The following CEP131 variants were observed in gnomAD, a reference collection of about 807,000 sequenced individuals.
The protein encoded by CEP131 is centrosomal protein of 131 kDa.
A neutral mutation model predicts 136.8 loss-of-function variants in CEP131; 99 were observed. The observed-to-expected ratio is 0.72, with a 90% CI of 0.62 to 0.86. The LOEUF is 0.86. Ranked by LOEUF, CEP131 falls within the 40% of genes least tolerant of loss-of-function variation. The probability of loss-of-function intolerance (pLI) is 0.00; values close to 1 mark genes in which losing one functional copy is unlikely to be tolerated. For missense variants in CEP131, 1,459 were observed against 1,463.0 expected (o/e 1.00, Z 0.04); for synonymous variants, 646 against 612.7 (o/e 1.05, Z -0.80).
At position 81,213,655 on chromosome 17, in the gene CEP131, G is replaced by A. The variant is rs373891385; in HGVS notation, c.178-4633C>T. Among the ~76,000 whole-genome samples the A allele has an allele frequency of 4.8e-4, 73 of 152,172 alleles. No individual in the cohort carries two copies. The Middle Eastern group carries it at 0.014, about 29-fold the overall frequency. ...TATAGATGCTCTTCTCTAAAGGAGGGGGAGCAAAACTCCCCACCCCTTCCA... is the reference window on the plus strand; with the variant it reads ...TATAGATGCTCTTCTCTAAAGGAGGAGGAGCAAAACTCCCCACCCCTTCCA... On this transcript the variant is annotated intron_variant, in intron 2 of 25. Coordinates refer to ENST00000450824, the MANE Select transcript of CEP131 (RefSeq NM_014984.4).
chr17:81,189,880 C>A, intron 25 of CEP131, 35 bp downstream of exon 25: 4 of 1,612,626 alleles, frequency 2.5e-6, no homozygotes, highest in Non-Finnish European at 3.4e-6. Context: ...TGCTCCCAGC[C>A]CCGAGGTCCA....
chr17:81,191,085 C>G lies in CEP131; in HGVS notation c.2766-1G>C, dbSNP rs375775166. The G allele has an allele frequency of 8.1e-6, 13 of 1,600,872 alleles. No individual in the cohort carries two copies. The highest frequency in any genetic ancestry group is 1.1e-5 in the Non-Finnish European group (13 of 1,172,634). ...GTACTTGTCCCGTAAGCGCTTGATG[C>G]TGGAGGTGGGGGGAGGGCAGGGTCA... On this transcript the variant is annotated splice_acceptor_variant, in intron 22 of 25. Transcript: ENST00000450824. LOFTEE classifies it high-confidence loss of function.
chr17:81,220,890 A>G (rs1172974536), intron 1 of CEP131, among the ~76,000 whole-genome samples: 1 of 151,888 alleles, frequency 6.6e-6, no homozygotes, highest in Non-Finnish European at 1.5e-5. Flanking sequence ...TGGGAGACCA[A>G]GGCAGGCAGA....
intron 6 of CEP131, 42 bp from the exon 7 acceptor site, chr17:81,202,440 G>A (rs370550298): frequency 1.3e-6 from 2 of 1,594,570 alleles, no homozygotes; most frequent in South Asian, 2.2e-5. Context: ...ACCGCCCAGG[G>A]GAACAGCTCT....
Position 81,191,186 on chromosome 17 carries a change from T to C in CEP131, c.2765+7A>G. 1.9e-6 allele frequency: 3 copies of C among 1,607,328 alleles called. No homozygotes were observed. Among genetic ancestry groups the C allele is most frequent in the Non-Finnish European group, 2.5e-6 (3 of 1,177,280 alleles). Reference sequence around the variant, plus strand: ...CAGCTGGTGACCCAGCCATGGCGGGTCCTTACCGGCTCTCGGCAGCCTTCT... The same window carrying C: ...CAGCTGGTGACCCAGCCATGGCGGGCCCTTACCGGCTCTCGGCAGCCTTCT... On this transcript the variant is annotated splice_region_variant and intron_variant, in intron 22 of 25. Coordinates refer to ENST00000450824, the MANE Select transcript of CEP131 (RefSeq NM_014984.4).
intron 2 of CEP131, among the ~76,000 whole-genome samples, chr17:81,218,069 G>C (rs1395792167): frequency 7.1e-6 from 1 of 141,302 alleles, no homozygotes; most frequent in Non-Finnish European, 1.5e-5. Context: ...TTGAGACAGA[G>C]TCTTGCTCTT....
Position 81,202,369 on chromosome 17 carries a change from C to T in CEP131, c.659G>A (p.Gly220Asp). 6.2e-7 allele frequency: 1 copy of T among 1,613,486 alleles called. No homozygotes were observed. Among genetic ancestry groups the T allele is most frequent in the Non-Finnish European group, 8.5e-7 (1 of 1,179,892 alleles). The change falls in exon 7 of 26, where the codon GGC becomes GAC. Residue 220 changes from glycine (G) to aspartate (D), a missense_variant. This residue lies in a region of CEP131 where 246 missense variants were observed against 318.9 expected (regional missense o/e 0.77). Coordinates refer to ENST00000450824, the MANE Select transcript of CEP131 (RefSeq NM_014984.4). ...CTTCCCAAAGCCGCTGCTCTCACTG[C>T]CCTCACAGGTGGCTGCCTTGATGAT... ...NNIIKAATCE[G>D]SESSGFGKLP...
intron 5 of CEP131, among the ~76,000 whole-genome samples, chr17:81,204,349 A>G (rs2659032): frequency 0.94 from 142,929 of 152,088 alleles, 67,312 homozygotes; most frequent in Non-Finnish European, 0.97. Context: ...CAGGACAGCC[A>G]CCGCCACCCC....
rs765840476 is a variant in CEP131, at chr17:81,220,057, G to A, written c.-1C>T. 1.3e-6 allele frequency: 2 copies of A among 1,577,922 alleles called. No individual in the cohort carries two copies. The highest frequency in any genetic ancestry group is 2.3e-5 in the South Asian group (2 of 88,132). On this transcript the variant is annotated 5_prime_UTR_variant, in exon 2 of 26. Transcript: ENST00000450824. ...TGCCGATGGCCCGGGTGCCTTTCAT[G>A]GTGGACAAGGCAGGTCCTGAGCGGG... is the stretch of plus-strand genomic sequence containing the variant.
chr17:81,196,685 TC>T lies in CEP131; in HGVS notation c.1899+15del. ...ACGCGCTGGGTCCGGGCCTCTGCGC[TC>T]CCCGGGCCGCTCACCTGGTCAATGA... On this transcript the variant is annotated intron_variant, in intron 15 of 25. Transcript: ENST00000450824. The T allele has an allele frequency of 6.3e-7, 1 of 1,598,176 alleles. No individual in the cohort carries two copies.
At position 81,208,555 on chromosome 17, in the gene CEP131, G is replaced by A. The variant is rs1000733198; in HGVS notation, c.272+373C>T. 1.3e-5 allele frequency among the ~76,000 whole-genome samples: 2 copies of A among 152,240 alleles called. No individual in the cohort carries two copies. The highest frequency in any genetic ancestry group is 2.4e-5 in the African/African-American group (1 of 41,454). ...AGTGGGCAAAGGTGGGAACAGGGGC[G>A]CACAGCGTGGGGGTTCAGAAGGGTC... is the stretch of plus-strand genomic sequence containing the variant. On this transcript the variant is annotated intron_variant, in intron 3 of 25. Transcript: ENST00000450824. This position sits in a 1 kb window ranked among gnomAD's most constrained non-coding sequence, Gnocchi z 5.6.
chr17:81,205,547 C>T (rs2061992183), intron 5 of CEP131, among the ~76,000 whole-genome samples: 1 of 150,438 alleles, frequency 6.6e-6, no homozygotes, highest in African/African-American at 2.5e-5. Context: ...CATTTTAAGC[C>T]TATGGTGCTG....
At position 81,199,529 on chromosome 17, in the gene CEP131, G is replaced by T; in HGVS notation, c.1044C>A (p.Ala348=). The T allele has an allele frequency of 6.2e-7, 1 of 1,607,560 alleles. No homozygotes were observed. The change falls in exon 10 of 26, where the codon GCC becomes GCA. Residue 348 remains alanine (A), a synonymous_variant. Transcript: ENST00000450824. ...CAGTGCTCGCCTTCTGGGCTCTCAG[G>T]GCTCGTTTCTGTTGCAGCTCCTGCA... ...AAIQELQQKR[A]LRAQKASTAE...
At chr17:81,201,969 C>T (rs1463756239) in intron 7 of CEP131, among the ~76,000 whole-genome samples, 2 of 151,996 alleles carry the variant, frequency 1.3e-5, no homozygotes, top group South Asian at 2.1e-4. Context: ...GGCGTGGTGG[C>T]GGGCACCTGT....
Position 81,189,760 on chromosome 17 carries a change from C to G in CEP131, c.*9G>C. The G allele has an allele frequency of 6.3e-7, 1 of 1,591,156 alleles. No individual in the cohort carries two copies. Among genetic ancestry groups the G allele is most frequent in the Non-Finnish European group, 8.6e-7 (1 of 1,166,094 alleles). On this transcript the variant is annotated 3_prime_UTR_variant, in exon 26 of 26. Transcript: ENST00000450824. ...TTCCGTTCTTCGACAGTGTTCCCGG[C>G]ATCCCTGGTCACTTGGTACTTGGCG...
chr17:81,198,503 G>C (rs2061818500), intron 11 of CEP131, among the ~76,000 whole-genome samples: 4 of 152,152 alleles, frequency 2.6e-5, no homozygotes, highest in Non-Finnish European at 5.9e-5. Flanking sequence ...GCCACCAGGG[G>C]ACTCCTCCCA....
Position 81,208,040 on chromosome 17 carries a change from A to AC in CEP131, c.273-802dup, listed in dbSNP as rs1462323793. Among the ~76,000 whole-genome samples the AC allele has an allele frequency of 2.6e-5, 2 of 77,784 alleles. No homozygotes were observed. Among genetic ancestry groups the AC allele is most frequent in the Non-Finnish European group, 5.4e-5 (2 of 37,114 alleles). The allele number at this position is 77,784 out of a possible 152,430, so 51.0% of individuals were successfully genotyped here. ...CACACCACACACCCACACACCACAC[A>AC]CCCCCCACACACACCACACTCACAC... On this transcript the variant is annotated intron_variant, in intron 3 of 25. Transcript: ENST00000450824. This position sits in a 1 kb window ranked among gnomAD's most constrained non-coding sequence, Gnocchi z 5.6.
intron 9 of CEP131, 51 bp from the exon 10 acceptor site, chr17:81,199,600 G>T: frequency 1.3e-6 from 2 of 1,588,612 alleles, no homozygotes; most frequent in Non-Finnish European, 1.7e-6. Context: ...ACGACCCCAG[G>T]CTCCACAGCC....
rs1001244807 is a variant in CEP131, at chr17:81,203,147, C to T, written c.629+347G>A. 2.6e-5 allele frequency among the ~76,000 whole-genome samples: 4 copies of T among 152,144 alleles called. No individual in the cohort carries two copies. The highest frequency in any genetic ancestry group is 9.7e-5 in the African/African-American group (4 of 41,420). On this transcript the variant is annotated intron_variant, in intron 6 of 25. Transcript: ENST00000450824. This position sits in a 1 kb window ranked among gnomAD's most constrained non-coding sequence, Gnocchi z 4.6. ...TGACGCCTTCTGGGCTCTGCACAAG[C>T]CTTGGCTTCCTCCTGGGGGCCCCAC...
Sources: gnomAD v4.1 joint callset for allele counts (sites outside exome capture counted in the v4.1 genomes callset) on GRCh38, gnomAD v4.1.1 for gene constraint, gnomAD v4.1.1 regional missense constraint, Gnocchi (gnomAD v3.1) non-coding constraint, MANE v1.5 for transcripts, NCBI Gene and HGNC (gene_info 2026-07-23, HGNC 2026-07-21) for gene names.